The following GINS1 variants were observed in gnomAD, a reference collection of about 807,000 sequenced individuals.
The protein encoded by GINS1 is GINS complex subunit 1.
In GINS1, 26 loss-of-function variants were observed where a neutral mutation model predicts 34.9. That is an observed-to-expected ratio of 0.74 (90% CI 0.55 to 1.03). GINS1 has a LOEUF of 1.03. GINS1 is among the 50% of genes least tolerant of loss of function. The probability of loss-of-function intolerance (pLI) is 0.00; values close to 1 mark genes in which losing one functional copy is unlikely to be tolerated. For synonymous variants in GINS1, 97 were observed against 84.4 expected (o/e 1.15, Z -0.82); for missense variants, 235 against 237.9 (o/e 0.99, Z 0.08).
intron 5 of GINS1, 100 bp from the exon 6 acceptor site, chr20:25,441,602 A>C: frequency 1.5e-6 from 1 of 653,860 alleles, no homozygotes; most frequent in Non-Finnish European, 2.7e-6. Flanking sequence ...AAACAAACAA[A>C]GTCCTTATTG....
chr20:25,416,414 C>G (rs2090321056), intron 2 of GINS1, among the ~76,000 whole-genome samples: 1 of 152,068 alleles, frequency 6.6e-6, no homozygotes, highest in Non-Finnish European at 1.5e-5. Context: ...ATGTATTTTG[C>G]CTGTATTATC....
intron 6 of GINS1, among the ~76,000 whole-genome samples, chr20:25,444,521 A>C (rs976513442): frequency 6.6e-6 from 1 of 152,142 alleles, no homozygotes; most frequent in Non-Finnish European, 1.5e-5. Context: ...GAATTTGGTC[A>C]TGGGTCTCTT....
chr20:25,439,966 G>A (rs1234667991), intron 5 of GINS1, among the ~76,000 whole-genome samples: 2 of 149,296 alleles, frequency 1.3e-5, no homozygotes, highest in African/African-American at 4.9e-5. Context: ...CTGCACTCTA[G>A]CCTGGGTGAC....
At chr20:25,442,796 G>A (rs2090489963) in intron 6 of GINS1, among the ~76,000 whole-genome samples, 1 of 151,516 alleles carries the variant, frequency 6.6e-6, no homozygotes, top group African/African-American at 2.4e-5. Flanking sequence ...TTGTAGAGAC[G>A]GAGTTTCACC....
At chr20:25,426,939 A>G (rs919382330) in intron 5 of GINS1, among the ~76,000 whole-genome samples, 1 of 152,004 alleles carries the variant, frequency 6.6e-6, no homozygotes, top group Non-Finnish European at 1.5e-5. Context: ...TTTAGCTATC[A>G]TTTTATGATC....
chr20:25,413,850 G>C lies in GINS1; in HGVS notation c.136G>C (p.Asp46His), dbSNP rs757311933. ...MKALYEQNQS[D>H]VNEAKSGGRS... ...AGCTTTGTATGAACAAAACCAGTCT[G>C]ATGTGTAAGTTTCATAAGATGATAT... Residue 46 changes from aspartate (D) to histidine (H), a missense_variant, in exon 2 of 7, where the codon GAT becomes CAT. Transcript: ENST00000262460. 1.3e-6 allele frequency: 2 copies of C among 1,524,142 alleles called. No individual in the cohort carries two copies. Among genetic ancestry groups the C allele is most frequent in the Admixed American group, 1.7e-5 (1 of 59,912 alleles). The allele number at this position is 1,524,142 out of a possible 1,614,324, so 94.4% of individuals were successfully genotyped here. A position where few individuals can be genotyped will look rare whatever the true frequency, so the allele number is the denominator to read the frequency against.
At position 25,448,303 on chromosome 20, in the gene GINS1, T is replaced by C. The variant is rs560642929; in HGVS notation, c.*2312T>C. The C allele has an allele frequency of 6.6e-6, 1 of 152,242 alleles. No individual in the cohort carries two copies. Among genetic ancestry groups the C allele is most frequent in the Non-Finnish European group, 1.5e-5 (1 of 68,050 alleles). 9.4% of individuals were successfully genotyped at this position (152,242 alleles called of 1,614,324 possible). Reference sequence around the variant, plus strand: ...CAAGGTCTGTCTTCCTAGGTATTAATGTTTTGTCTTCTATTTCTCTTAATA... The same window carrying C: ...CAAGGTCTGTCTTCCTAGGTATTAACGTTTTGTCTTCTATTTCTCTTAATA... On this transcript the variant is annotated 3_prime_UTR_variant, in exon 7 of 7. Coordinates refer to ENST00000262460, the MANE Select transcript of GINS1 (RefSeq NM_021067.5).
At chr20:25,414,822 G>T (rs1345467605) in intron 2 of GINS1, among the ~76,000 whole-genome samples, 1 of 152,234 alleles carries the variant, frequency 6.6e-6, no homozygotes, top group African/African-American at 2.4e-5. Flanking sequence ...TTTATTAAAT[G>T]GATATAAATA....
intron 2 of GINS1, among the ~76,000 whole-genome samples, chr20:25,415,164 A>C (rs1435886713): frequency 2.6e-5 from 4 of 152,202 alleles, no homozygotes; most frequent in Admixed American, 2.6e-4. Context: ...TTTGTGAGGC[A>C]CATAAAATGA....
At chr20:25,425,002 CAG>C (rs2090382410) in intron 4 of GINS1, among the ~76,000 whole-genome samples, 1 of 152,152 alleles carries the variant, frequency 6.6e-6, no homozygotes, top group African/African-American at 2.4e-5. Flanking sequence ...TCTCTGAGAA[CAG>C]AGATTTTTGT....
chr20:25,424,565 C>A (rs1351073436), intron 4 of GINS1, among the ~76,000 whole-genome samples: 1 of 152,122 alleles, frequency 6.6e-6, no homozygotes, highest in Non-Finnish European at 1.5e-5. Flanking sequence ...ATACCACATT[C>A]TTATTTGAGA....
At chr20:25,427,868 C>CTT (rs2090400806) in intron 5 of GINS1, among the ~76,000 whole-genome samples, 1 of 96,050 alleles carries the variant, frequency 1.0e-5, no homozygotes, top group African/African-American at 4.0e-5. Context: ...CCCAGTTCGT[C>CTT]ATTTTTTTTT....
At chr20:25,425,822 C>G (rs2090387645) in intron 5 of GINS1, among the ~76,000 whole-genome samples, 2 of 151,992 alleles carry the variant, frequency 1.3e-5, no homozygotes, top group African/African-American at 4.8e-5. Flanking sequence ...TTTATTTTTT[C>G]TATTTTTTAA....
At chr20:25,433,230 CT>C (rs1026230598) in intron 5 of GINS1, among the ~76,000 whole-genome samples, 1 of 151,576 alleles carries the variant, frequency 6.6e-6, no homozygotes, top group African/African-American at 2.4e-5. Context: ...TGCCTTATAA[CT>C]TTTTTTTTCT....
At chr20:25,413,511 A>G (rs2090300225) in intron 1 of GINS1, 1 of 373,106 alleles carries the variant, frequency 2.7e-6, no homozygotes, top group Admixed American at 4.3e-5. Flanking sequence ...TAGGAGTAAA[A>G]TTACTGAGTC....
rs775732825 is a variant in GINS1 at position 25,413,742 on chromosome 20, A to AATTT, written c.76-45_76-44insTATT. ...CAGTATTGATAGCATATTGCCACAG[A>AATTT]ATTGGTGGGGAAATCAGTGGATTTC... On this transcript the variant is annotated intron_variant, in intron 1 of 6. Transcript: ENST00000262460. 2.8e-4 allele frequency: 297 copies of AATTT among 1,057,922 alleles called. 1 individual carries two copies. The highest frequency in any genetic ancestry group is 8.0e-4 in the Middle Eastern group (4 of 5,016). 65.5% of individuals were successfully genotyped at this position (1,057,922 alleles called of 1,614,324 possible).
At chr20:25,428,162 C>T (rs111496350) in intron 5 of GINS1, among the ~76,000 whole-genome samples, 3,320 of 152,026 alleles carry the variant, frequency 0.022, 112 homozygotes, top group African/African-American at 0.075. Flanking sequence ...CGTGAGCCAT[C>T]GCACCCGGCC....
rs73331881 is a variant in GINS1 at position 25,409,281 on chromosome 20, G to A, written c.75+1386G>A. 6.6e-3 allele frequency among the ~76,000 whole-genome samples: 999 copies of A among 152,288 alleles called. 16 individuals carry two copies. The highest frequency in any genetic ancestry group is 0.023 in the African/African-American group (957 of 41,560). On this transcript the variant is annotated intron_variant, in intron 1 of 6. Coordinates refer to ENST00000262460, the MANE Select transcript of GINS1 (RefSeq NM_021067.5). ...ATTTTTGTGTTTTGAAGGTAACTGC[G>A]GCAGCAATATGGGGAATGGATTGAA...
chr20:25,442,724 A>G (rs2146225128), intron 6 of GINS1, among the ~76,000 whole-genome samples: 1 of 150,458 alleles, frequency 6.6e-6, no homozygotes, highest in Middle Eastern at 3.4e-3. Context: ...CCCCCACCTC[A>G]GCCTCCCCAA....
Sources: gnomAD v4.1 joint callset for allele counts (sites outside exome capture counted in the v4.1 genomes callset) on GRCh38, gnomAD v4.1.1 for gene constraint, MANE v1.5 for transcripts, NCBI Gene and HGNC (gene_info 2026-07-23, HGNC 2026-07-21) for gene names.